The following NT5DC1 variants were observed in gnomAD, a reference collection of about 807,000 sequenced individuals.
The protein encoded by NT5DC1 is 5'-nucleotidase domain containing 1.
In NT5DC1, 42 loss-of-function variants were observed where a neutral mutation model predicts 59.4. That is an observed-to-expected ratio of 0.71 (90% CI 0.55 to 0.92). The LOEUF (loss-of-function observed/expected upper bound fraction) is 0.92. NT5DC1 is among the 40% of genes least tolerant of loss of function. The pLI, the probability that NT5DC1 is intolerant of heterozygous loss-of-function variation, is 0.00. For missense variants in NT5DC1, 501 were observed against 537.1 expected (o/e 0.93, Z 0.66); for synonymous variants, 172 against 188.1 (o/e 0.91, Z 0.70).
rs1242052972 is a variant in NT5DC1 at position 116,246,233 on chromosome 6, A to G, written c.*2209A>G. 6.6e-6 allele frequency: 1 copy of G among 152,166 alleles called. No homozygotes were observed. The highest frequency in any genetic ancestry group is 2.4e-5 in the African/African-American group (1 of 41,456). 9.4% of individuals were successfully genotyped at this position (152,166 alleles called of 1,614,324 possible). ...CTAAAGGACACCTAAAAATAGATGT[A>G]AGCGAGCGGAGGTTTTCTTTGCTGG... is the stretch of plus-strand genomic sequence containing the variant. On this transcript the variant is annotated 3_prime_UTR_variant, in exon 12 of 12. Transcript: ENST00000319550.
chr6:116,199,773 G>A (rs1295160460), intron 6 of NT5DC1, among the ~76,000 whole-genome samples: 1 of 152,018 alleles, frequency 6.6e-6, no homozygotes, highest in African/African-American at 2.4e-5. Flanking sequence ...AATAAATAAA[G>A]TAGTATGGAA....
chr6:116,113,348 A>G (rs1313785580), intron 4 of NT5DC1, among the ~76,000 whole-genome samples: 1 of 152,198 alleles, frequency 6.6e-6, no homozygotes, highest in Non-Finnish European at 1.5e-5. Flanking sequence ...CCACTAAGAC[A>G]AAGGGAGTAG....
At chr6:116,149,689 G>A (rs569244099) in intron 6 of NT5DC1, among the ~76,000 whole-genome samples, 2 of 152,314 alleles carry the variant, frequency 1.3e-5, no homozygotes, top group East Asian at 3.9e-4. Context: ...TTTGAACTTA[G>A]TGTTGATGCA....
chr6:116,211,713 T>C (rs1245764857), intron 6 of NT5DC1, among the ~76,000 whole-genome samples: 1 of 152,080 alleles, frequency 6.6e-6, no homozygotes, highest in Admixed American at 6.6e-5. Context: ...TTACAGAGAA[T>C]TTCCTTTTTC....
Position 116,239,000 on chromosome 6 carries a change from TC to T in NT5DC1, c.1130del (p.Ser377PhefsTer76). 2 of 1,607,378 alleles carry T rather than the reference TC, an allele frequency of 1.2e-6. No individual in the cohort carries two copies. Among genetic ancestry groups the T allele is most frequent in the South Asian group, 1.1e-5 (1 of 90,936 alleles). ...AAATACTTCATCTAAAAAATGGGGCTCTTTTTTTATTGATTCAGTTTTGGGA... is the reference window on the plus strand; with the variant it reads ...AAATACTTCATCTAAAAAATGGGGCTTTTTTTTATTGATTCAGTTTTGGGA... ...PLNTSSKKWG[S>X]FFIDSVLGLE... On this transcript the variant is annotated frameshift_variant, in exon 11 of 12. Transcript: ENST00000319550. LOFTEE classifies it high-confidence loss of function.
At chr6:116,178,088 T>TGTGTGTGTGTGTGTGTGTGC (rs1491426656) in intron 6 of NT5DC1, among the ~76,000 whole-genome samples, 3 of 99,624 alleles carry the variant, frequency 3.0e-5, no homozygotes, top group African/African-American at 1.4e-4. Context: ...TGTGTGTGTG[T>TGTGTGTGTGTGTGTGTGTGC]GCGCGCGCGC....
At chr6:116,193,038 T>C (rs1215636771) in intron 6 of NT5DC1, among the ~76,000 whole-genome samples, 1 of 152,090 alleles carries the variant, frequency 6.6e-6, no homozygotes, top group Non-Finnish European at 1.5e-5. Flanking sequence ...TTTATGTAAA[T>C]GCAGCATTAC....
chr6:116,138,538 C>CATCCTTGCTTCAG, intron 6 of NT5DC1, among the ~76,000 whole-genome samples: 2 of 152,106 alleles, frequency 1.3e-5, no homozygotes, highest in African/African-American at 4.8e-5. Context: ...TAATTAAAAA[C>CATCCTTGCTTCAG]GAAGCTAATT....
At chr6:116,149,837 T>C (rs1779992016) in intron 6 of NT5DC1, among the ~76,000 whole-genome samples, 1 of 152,038 alleles carries the variant, frequency 6.6e-6, no homozygotes, top group Admixed American at 6.6e-5. Context: ...TCTTTAGAGG[T>C]GAGGAAATTG....
chr6:116,125,865 A>G, intron 6 of NT5DC1: 1 of 207,276 alleles, frequency 4.8e-6, no homozygotes, highest in East Asian at 1.3e-4. Flanking sequence ...AATTTTTACA[A>G]TATGGTTTTA....
In NT5DC1 at chr6:116,101,773, C is replaced by T. The variant is rs534201963; in HGVS notation, c.93+750C>T. 1.1e-4 allele frequency among the ~76,000 whole-genome samples: 17 copies of T among 152,290 alleles called. No individual in the cohort carries two copies. The East Asian group carries it at 1.9e-3, about 17-fold the overall frequency. ...TACACTCAAATTAATTGCCCTCCCT[C>T]CACTATTCCTTTGGTTTCCCAATTC... is the stretch of plus-strand genomic sequence containing the variant. On this transcript the variant is annotated intron_variant, in intron 1 of 11. Coordinates refer to ENST00000319550, the MANE Select transcript of NT5DC1 (RefSeq NM_152729.3).
At chr6:116,123,207 A>AAC (rs1267045751) in intron 6 of NT5DC1, among the ~76,000 whole-genome samples, 1 of 152,194 alleles carries the variant, frequency 6.6e-6, no homozygotes, top group African/African-American at 2.4e-5. Context: ...AAAAAGGAGA[A>AAC]ACAAGTCAAT....
intron 10 of NT5DC1, 97 bp downstream of exon 10, chr6:116,238,445 A>T (rs1582887924): frequency 1.7e-6 from 1 of 577,250 alleles, no homozygotes; most frequent in Non-Finnish European, 2.6e-6. Flanking sequence ...TGTCCTGGTC[A>T]GGCTGAATAC....
chr6:116,213,359 T>C (rs952287538), intron 6 of NT5DC1, among the ~76,000 whole-genome samples: 2 of 152,066 alleles, frequency 1.3e-5, no homozygotes, highest in African/African-American at 4.8e-5. Flanking sequence ...TCTAACCTAT[T>C]CCTCACAGCA....
In NT5DC1 at chr6:116,229,807, G is replaced by C. The variant is rs146781320; in HGVS notation, c.802+6676G>C. Among the ~76,000 whole-genome samples the C allele has an allele frequency of 8.4e-3, 1,274 of 152,066 alleles. 23 individuals carry two copies. Among genetic ancestry groups the C allele is most frequent in the African/African-American group, 0.029 (1,202 of 41,442 alleles). Reference sequence around the variant, plus strand: ...CTCTGTCTCTCCTCTCTCTCTCTCTGTCTCGTCCCTTGGCCTTAGCTGTCA... The same window carrying C: ...CTCTGTCTCTCCTCTCTCTCTCTCTCTCTCGTCCCTTGGCCTTAGCTGTCA... On this transcript the variant is annotated intron_variant, in intron 8 of 11. Coordinates refer to ENST00000319550, the MANE Select transcript of NT5DC1 (RefSeq NM_152729.3).
At chr6:116,188,528 G>A (rs886432618) in intron 6 of NT5DC1, among the ~76,000 whole-genome samples, 4 of 151,894 alleles carry the variant, frequency 2.6e-5, no homozygotes, top group Admixed American at 6.6e-5. Context: ...GAAAAAGCCA[G>A]TAATACAGGA....
chr6:116,120,867 G>T lies in NT5DC1; in HGVS notation c.529+2922G>T, dbSNP rs757215968. 6.8e-6 allele frequency: 11 copies of T among 1,613,706 alleles called. No individual in the cohort carries two copies. In the Admixed American group the frequency reaches 1.8e-4, roughly 27 times the overall value. On this transcript the variant is annotated intron_variant, in intron 6 of 11. Transcript: ENST00000319550. ...CCCACAGGGCCTGGGAGACCAGGAG[G>T]TCCTCCAACTCCAGGATCACCTTTT... is the stretch of plus-strand genomic sequence containing the variant.
intron 6 of NT5DC1, among the ~76,000 whole-genome samples, chr6:116,162,937 C>T (rs1168347350): frequency 6.6e-6 from 1 of 151,780 alleles, no homozygotes; most frequent in Non-Finnish European, 1.5e-5. Context: ...ACCATCCTAG[C>T]TAACATGGTG....
chr6:116,241,886 G>A (rs532641562), intron 11 of NT5DC1, among the ~76,000 whole-genome samples: 3 of 132,322 alleles, frequency 2.3e-5, no homozygotes, highest in Non-Finnish European at 3.1e-5. Flanking sequence ...TCGCGCCACT[G>A]CACTCCAGCC....
Sources: gnomAD v4.1 joint callset for allele counts (sites outside exome capture counted in the v4.1 genomes callset) on GRCh38, gnomAD v4.1.1 for gene constraint, MANE v1.5 for transcripts, NCBI Gene and HGNC (gene_info 2026-07-23, HGNC 2026-07-21) for gene names.